Variants in ZNF7 observed in about 807,000 individuals in gnomAD.
ZNF7 encodes zinc finger protein 7, also known as C2-H2 type zinc finger protein.
A neutral mutation model predicts 12.0 loss-of-function variants in ZNF7; 10 were observed. That is an observed-to-expected ratio of 0.83 (90% CI 0.51 to 1.42). The LOEUF is 1.42. ZNF7 is among the 40% of genes most tolerant of loss of function. The pLI, the probability that ZNF7 is intolerant of heterozygous loss-of-function variation, is 0.00. For synonymous variants in ZNF7, 334 were observed against 295.0 expected (o/e 1.13, Z -1.35); for missense variants, 854 against 837.2 (o/e 1.02, Z -0.25).
At position 144,828,891 on chromosome 8, in the gene ZNF7, A is replaced by G. The variant is rs146086631; in HGVS notation, c.-45-152A>G. On this transcript the variant is annotated intron_variant, in intron 1 of 4. Coordinates refer to ENST00000532777, the MANE Select transcript of ZNF7 (RefSeq NM_003416.4). ...AGAGTTCAGTGGGCCTCCTTCACTC[A>G]AGTGCCATGGCTGCTTCAGCCCAGC... 368 of 936,316 alleles carry G rather than the reference A, an allele frequency of 3.9e-4. 3 individuals carry two copies. In the East Asian group the frequency reaches 9.2e-3, roughly 24 times the overall value. The allele number at this position is 936,316 out of a possible 1,614,324, so 58.0% of individuals were successfully genotyped here.
chr8:144,828,993 A>T, intron 1 of ZNF7, 50 bp from the exon 2 acceptor site: 1 of 1,595,554 alleles, frequency 6.3e-7, no homozygotes, highest in Non-Finnish European at 8.5e-7. Flanking sequence ...TTAGCCTGGA[A>T]GTTGGGCTTC....
intron 1 of ZNF7, 117 bp downstream of exon 1, chr8:144,827,726 C>G: frequency 1.0e-6 from 1 of 966,446 alleles, no homozygotes; most frequent in Non-Finnish European, 1.2e-6. Flanking sequence ...GGCCTCCAGG[C>G]GGGAAAGCGC....
At chr8:144,832,423 CAA>C (rs36076579) in intron 3 of ZNF7, among the ~76,000 whole-genome samples, 9 of 36,124 alleles carry the variant, frequency 2.5e-4, no homozygotes, top group Admixed American at 2.0e-3. Flanking sequence ...ACTCTATCTC[CAA>C]AAAAAAAAAA....
rs1356047516 is a variant in ZNF7, at chr8:144,842,681, A to G, written c.1574A>G (p.Tyr525Cys). ...AGAATCCATAAAGGAGAGAAGCCCT[A>G]CGAATGCCTCCAATGCGGAAAAGCC... ...HQRIHKGEKP[Y>C]ECLQCGKAFS... Residue 525 changes from tyrosine to cysteine, a missense_variant, in exon 5 of 5, where the codon TAC (tyrosine) becomes TGC (cysteine). Transcript: ENST00000532777. The G allele has an allele frequency of 1.5e-5, 24 of 1,614,090 alleles. No homozygotes were observed. The highest frequency in any genetic ancestry group is 1.9e-5 in the Non-Finnish European group (22 of 1,180,052).
At position 144,833,196 on chromosome 8, in the gene ZNF7, CAA is replaced by C. The variant is rs11417590; in HGVS notation, c.130+3610_130+3611del. Among the ~76,000 whole-genome samples, 2,223 of 109,022 alleles carry C rather than the reference CAA, an allele frequency of 0.02. 146 individuals carry two copies. In the East Asian group the frequency reaches 0.24, roughly 12 times the overall value. 71.5% of individuals were successfully genotyped at this position (109,022 alleles called of 152,430 possible). A position where few individuals can be genotyped will look rare whatever the true frequency, so the allele number is the denominator to read the frequency against. On this transcript the variant is annotated intron_variant, in intron 3 of 4. Coordinates refer to ENST00000532777, the MANE Select transcript of ZNF7 (RefSeq NM_003416.4). ...CTGGGCAATAAGCGAGACTTTGTCT[CAA>C]AAAAAAAAAAAAAAAAAGACTATCT... is the stretch of plus-strand genomic sequence containing the variant.
rs1278275014 is a variant in ZNF7 at position 144,843,269 on chromosome 8, G to GT, written c.*102dup. On this transcript the variant is annotated 3_prime_UTR_variant, in exon 5 of 5. Transcript: ENST00000532777. ...ATACTGACAAACATGTAGAATGTTG[G>GT]TAAAGGTTCAGAATTGCTCTCAAGA... 1.5e-6 allele frequency: 2 copies of GT among 1,377,728 alleles called. No individual in the cohort carries two copies. The highest frequency in any genetic ancestry group is 1.5e-5 in the African/African-American group (1 of 68,862). 85.3% of individuals were successfully genotyped at this position (1,377,728 alleles called of 1,614,324 possible). A position where few individuals can be genotyped will look rare whatever the true frequency, so the allele number is the denominator to read the frequency against.
At chr8:144,844,134 T>C (rs146742376), downstream of ZNF7, among the ~76,000 whole-genome samples, 923 of 152,286 alleles carry the variant, frequency 6.1e-3, 11 homozygotes, top group African/African-American at 0.021. Context: ...TAGGACATCA[T>C]TGCCCTCCCT....
At chr8:144,828,925 C>T in intron 1 of ZNF7, 118 bp from the exon 2 acceptor site, 2 of 1,345,156 alleles carry the variant, frequency 1.5e-6, no homozygotes, top group Non-Finnish European at 1.0e-6. Flanking sequence ...GCCCCATGTC[C>T]CTGCTAGAGA....
chr8:144,837,338 G>T, intron 3 of ZNF7, 53 bp from the exon 4 acceptor site: 1 of 1,499,162 alleles, frequency 6.7e-7, no homozygotes, highest in Non-Finnish European at 9.2e-7. Context: ...TTAGCCCTGT[G>T]CTGCACACTT....
At position 144,842,376 on chromosome 8, in the gene ZNF7, G is replaced by A. The variant is rs1161471972; in HGVS notation, c.1269G>A (p.Arg423=). The change falls in exon 5 of 5, where the codon AGG becomes AGA. Residue 423 remains arginine (R), a synonymous_variant. Transcript: ENST00000532777. The part of the protein sequence containing the change: ...FKCDECGKAF[R]WISRLSQHQL... ...GTGATGAGTGTGGGAAAGCTTTTAG[G>A]TGGATCTCTCGCCTGAGTCAGCATC... The A allele has an allele frequency of 1.1e-5, 17 of 1,614,006 alleles. No homozygotes were observed. The highest frequency in any genetic ancestry group is 1.4e-5 in the Non-Finnish European group (16 of 1,180,034).
chr8:144,829,479 AGGT>A lies in ZNF7; in HGVS notation c.9_11del (p.Val4del), dbSNP rs1408125192. On this transcript the variant is annotated inframe_deletion and splice_region_variant, in exon 3 of 5. Transcript: ENST00000532777. ...GGGTGCTGGTGTGTGTCCTTTCAGG[AGGT>A]GGTAACATTTGGCGATGTGGCTGTG... is the stretch of plus-strand genomic sequence containing the variant. 1 of 1,613,828 alleles carries A rather than the reference AGGT, an allele frequency of 6.2e-7. No individual in the cohort carries two copies. The highest frequency in any genetic ancestry group is 8.5e-7 in the Non-Finnish European group (1 of 1,179,962).
At chr8:144,844,947 CGAT>C (rs1382373166), downstream of ZNF7, among the ~76,000 whole-genome samples, 2 of 151,426 alleles carry the variant, frequency 1.3e-5, no homozygotes, top group African/African-American at 2.4e-5. Context: ...TGGGGAAAAA[CGAT>C]GGTAGGGAAA....
chr8:144,844,918 A>G (rs908858817), downstream of ZNF7, among the ~76,000 whole-genome samples: 1 of 150,030 alleles, frequency 6.7e-6, no homozygotes, highest in Admixed American at 6.7e-5. Context: ...GACTCTGGGG[A>G]GAACTTAGGG....
chr8:144,844,776 T>C (rs1002042134), downstream of ZNF7, among the ~76,000 whole-genome samples: 1 of 122,144 alleles, frequency 8.2e-6, no homozygotes, highest in Non-Finnish European at 1.8e-5. Context: ...GAAACAAATA[T>C]GGGGAGAAGA....
intron 1 of ZNF7, among the ~76,000 whole-genome samples, chr8:144,828,478 C>A (rs182236678): frequency 5.3e-4 from 81 of 152,030 alleles, no homozygotes; most frequent in African/African-American, 1.9e-3. Context: ...CACTGCCTTC[C>A]CTTGCTGCCG....
intron 1 of ZNF7, 94 bp downstream of exon 1, chr8:144,827,703 C>G: frequency 4.1e-6 from 4 of 980,424 alleles, no homozygotes; most frequent in Non-Finnish European, 4.8e-6. Context: ...CATTGGGGTC[C>G]CCGCGTCCCC....
At chr8:144,838,858 TGTGAGCCCAGGAGGCAGAGCTTGCA>T (rs71320848) in intron 4 of ZNF7, 74,646 of 142,056 alleles carry the variant, frequency 0.53, 21,391 homozygotes, top group Non-Finnish European at 0.62. Context: ...AGGAGAATGG[TGTGAGCCCAGGAGGCAGAGCTTGCA>T]GTGAGCCGAG....
chr8:144,841,425 G>T lies in ZNF7; in HGVS notation c.318G>T (p.Gly106=). 6.2e-7 allele frequency: 1 copy of T among 1,614,188 alleles called. No homozygotes were observed. Among genetic ancestry groups the T allele is most frequent in the Non-Finnish European group, 8.5e-7 (1 of 1,180,032 alleles). The change falls in exon 5 of 5, where the codon GGG becomes GGT. Residue 106 remains glycine, a synonymous_variant. Coordinates refer to ENST00000532777, the MANE Select transcript of ZNF7 (RefSeq NM_003416.4). ...ACATCCTAAAATCAGAATCCTATGG[G>T]ACAGTGGTCAGAATCTCCCCACAGG... ...DMDILKSESY[G]TVVRISPQDF...
downstream of ZNF7, chr8:144,843,895 T>C (rs1268373749): frequency 1.3e-5 from 2 of 152,192 alleles, no homozygotes; most frequent in African/African-American, 4.8e-5. Flanking sequence ...GTGCCTAGAA[T>C]TCCAACTTCA....
Sources: gnomAD v4.1 joint callset for allele counts (sites outside exome capture counted in the v4.1 genomes callset) on GRCh38, gnomAD v4.1.1 for gene constraint, MANE v1.5 for transcripts, NCBI Gene and HGNC (gene_info 2026-07-23, HGNC 2026-07-21) for gene names.